MET: variants seen among roughly 807,000 people sequenced by gnomAD.
MET encodes the protein hepatocyte growth factor receptor.
MET carries 48 observed loss-of-function variants against 133.1 expected under a neutral mutation model. That is an observed-to-expected ratio of 0.36 (90% CI 0.29 to 0.46). The LOEUF (loss-of-function observed/expected upper bound fraction) is 0.46. Among genes scored for constraint, MET ranks in the 20% least tolerant of loss-of-function variants. MET has a pLI of 1.00. For missense variants in MET, 1,442 were observed against 1,695.9 expected (o/e 0.85, Z 2.63); for synonymous variants, 628 against 616.5 (o/e 1.02, Z -0.28).
chr7:116,741,157 C>T (rs1793438871), intron 5 of MET, 132 bp downstream of exon 5: 3 of 1,041,874 alleles, frequency 2.9e-6, no homozygotes, highest in East Asian at 2.7e-5. Flanking sequence ...AATCAATTTA[C>T]TCATTTAGCT....
chr7:116,764,097 T>C (rs1794516845), intron 11 of MET, among the ~76,000 whole-genome samples: 1 of 152,140 alleles, frequency 6.6e-6, no homozygotes, highest in Non-Finnish European at 1.5e-5. Context: ...TAGTCTTTAT[T>C]TGGTTGTAAT....
intron 19 of MET, among the ~76,000 whole-genome samples, chr7:116,791,617 C>T (rs995201080): frequency 6.6e-6 from 1 of 151,964 alleles, no homozygotes; most frequent in Non-Finnish European, 1.5e-5. Context: ...TTCGAGTTCT[C>T]TGTATATTGT....
intron 19 of MET, 142 bp downstream of exon 19, chr7:116,783,611 G>A: frequency 2.4e-6 from 2 of 822,682 alleles, no homozygotes; most frequent in Non-Finnish European, 3.9e-6. Flanking sequence ...GGACTTGTCT[G>A]ATACGTACAC....
At chr7:116,717,997 G>A (rs1443038219) in intron 2 of MET, among the ~76,000 whole-genome samples, 2 of 152,156 alleles carry the variant, frequency 1.3e-5, no homozygotes, top group African/African-American at 4.8e-5. Flanking sequence ...ATCACATCAA[G>A]GCTTACAAAT....
chr7:116,705,858 T>C (rs994836131), intron 2 of MET, among the ~76,000 whole-genome samples: 12 of 152,166 alleles, frequency 7.9e-5, no homozygotes, highest in African/African-American at 2.9e-4. Context: ...ATTGCATTAT[T>C]TTATTAAAAG....
intron 12 of MET, among the ~76,000 whole-genome samples, chr7:116,770,281 G>A (rs538978672): frequency 6.6e-5 from 10 of 152,266 alleles, no homozygotes; most frequent in African/African-American, 2.2e-4. Context: ...GAACCAAAGC[G>A]AGTGATCTTT....
rs2116600448 is a variant in MET, at chr7:116,699,978, T to C, written c.894T>C (p.Cys298=). 6.2e-6 allele frequency: 10 copies of C among 1,614,066 alleles called. No individual in the cohort carries two copies. The highest frequency in any genetic ancestry group is 8.5e-6 in the Non-Finnish European group (10 of 1,179,976). ...LHSYMEMPLE[C]ILTEKRKKRS... ...CCTACATGGAAATGCCTCTGGAGTG[T>C]ATTCTCACAGAAAAGAGAAAAAAGA... Residue 298 remains cysteine (C), a synonymous_variant, in exon 2 of 21, where the codon TGT becomes TGC. Transcript: ENST00000397752.
In MET at chr7:116,771,737, T is replaced by C. The variant is rs1045887472; in HGVS notation, c.2887+83T>C. 4 of 1,607,618 alleles carry C rather than the reference T, an allele frequency of 2.5e-6. No homozygotes were observed. The South Asian group carries it at 4.4e-5, about 18-fold the overall frequency. ...TTTAAGATTGTCGTCGATTCTTGTG[T>C]GCTGTCTTATATGTAGTCCATAAAA... On this transcript the variant is annotated intron_variant, in intron 13 of 20. Coordinates refer to ENST00000397752, the MANE Select transcript of MET (RefSeq NM_000245.4).
intron 11 of MET, among the ~76,000 whole-genome samples, chr7:116,768,666 G>T (rs1794721547): frequency 6.6e-6 from 1 of 152,176 alleles, no homozygotes; most frequent in Non-Finnish European, 1.5e-5. Context: ...GAGTATTAAA[G>T]ATTATATAAA....
Position 116,796,200 on chromosome 7 carries a change from C to A in MET, c.*76C>A. On this transcript the variant is annotated 3_prime_UTR_variant, in exon 21 of 21. Transcript: ENST00000397752. ...CACTGCCTGACCTTTAAAAGGCCAT[C>A]GATATTCTTTGCTCTTGCCAAAATT... is the stretch of plus-strand genomic sequence containing the variant. The A allele has an allele frequency of 1.5e-6, 2 of 1,372,484 alleles. No homozygotes were observed. Among genetic ancestry groups the A allele is most frequent in the Non-Finnish European group, 2.1e-6 (2 of 967,290 alleles). The allele number at this position is 1,372,484 out of a possible 1,614,324, so 85.0% of individuals were successfully genotyped here.
Position 116,731,807 on chromosome 7 carries a change from A to C in MET, c.1340A>C (p.Lys447Thr). ...TTAACATCTATATCCACCTTCATTA[A>C]AGGAGACCTCACCATAGCTAATCTT... ...VLLTSISTFI[K>T]GDLTIANLGT... Residue 447 changes from lysine to threonine, a missense_variant, in exon 3 of 21, where the codon AAA becomes ACA. By Grantham distance (78) the Lys-to-Thr change is moderately conservative. This residue lies in a region of MET where 762 missense variants were observed against 792.4 expected (regional missense o/e 0.96). Coordinates refer to ENST00000397752, the MANE Select transcript of MET (RefSeq NM_000245.4). 1.2e-6 allele frequency: 2 copies of C among 1,614,134 alleles called. No individual in the cohort carries two copies. The highest frequency in any genetic ancestry group is 2.2e-5 in the South Asian group (2 of 91,084).
Position 116,728,628 on chromosome 7 carries a change from G to C in MET, c.1201-3040G>C, listed in dbSNP as rs1792882482. ...AGCAAGACCAACCACAAAGCAAACT[G>C]AGTAGGCAAATGGGCTTTATCTCTG... On this transcript the variant is annotated intron_variant, in intron 2 of 20. Transcript: ENST00000397752. Among the ~76,000 whole-genome samples the C allele has an allele frequency of 1.3e-5, 2 of 152,152 alleles. 1 individual carries two copies. Among genetic ancestry groups the C allele is most frequent in the South Asian group, 4.1e-4 (2 of 4,832 alleles).
chr7:116,701,434 G>A (rs2299437), intron 2 of MET, among the ~76,000 whole-genome samples: 36,716 of 151,996 alleles, frequency 0.24, 4,532 homozygotes, highest in East Asian at 0.34. Context: ...TGAATTCAGA[G>A]ACATTTGGTT....
chr7:116,728,388 GAGA>G (rs1222986496), intron 2 of MET, among the ~76,000 whole-genome samples: 3 of 152,134 alleles, frequency 2.0e-5, no homozygotes, highest in African/African-American at 7.2e-5. Context: ...TGTCCTGAAG[GAGA>G]AGACTTGAAG....
At chr7:116,773,835 T>C (rs1481186576) in intron 14 of MET, among the ~76,000 whole-genome samples, 1 of 152,196 alleles carries the variant, frequency 6.6e-6, no homozygotes, top group Admixed American at 6.5e-5. Context: ...CTAAAAATGC[T>C]CAAGTGGGAT....
In MET at chr7:116,693,725, T is replaced by A. The variant is rs146735827; in HGVS notation, c.-14-5346T>A. Among the ~76,000 whole-genome samples, 184 of 152,312 alleles carry A rather than the reference T, an allele frequency of 1.2e-3. 2 individuals carry two copies. The highest frequency in any genetic ancestry group is 4.1e-3 in the African/African-American group (170 of 41,574). Reference sequence around the variant, plus strand: ...GCCTATCTCCACTACTGGCCTGAGATCTCACTGACATTTGGAAAGCGTTTT... The same window carrying A: ...GCCTATCTCCACTACTGGCCTGAGAACTCACTGACATTTGGAAAGCGTTTT... On this transcript the variant is annotated intron_variant, in intron 1 of 20. Transcript: ENST00000397752.
intron 2 of MET, among the ~76,000 whole-genome samples, chr7:116,708,006 G>A (rs1791862583): frequency 6.6e-6 from 1 of 152,118 alleles, no homozygotes; most frequent in Non-Finnish European, 1.5e-5. Flanking sequence ...ATGTAACCAA[G>A]ATTCAACCAG....
chr7:116,737,451 A>G (rs1452416856), intron 3 of MET, among the ~76,000 whole-genome samples: 2 of 152,192 alleles, frequency 1.3e-5, no homozygotes, highest in Non-Finnish European at 2.9e-5. Context: ...AGCTTTTTCA[A>G]TGGTATTTAC....
chr7:116,696,095 C>T (rs1796957382), intron 1 of MET, among the ~76,000 whole-genome samples: 1 of 152,112 alleles, frequency 6.6e-6, no homozygotes, highest in South Asian at 2.1e-4. Flanking sequence ...GTTCAAACTC[C>T]TGACCTCAAG....
Sources: allele counts gnomAD v4.1 joint callset (sites outside exome capture counted in the v4.1 genomes callset), GRCh38; gene constraint gnomAD v4.1.1; regional missense constraint gnomAD v4.1.1; transcripts MANE v1.5; gene names NCBI Gene and HGNC (gene_info 2026-07-23, HGNC 2026-07-21).